The following GRID1 variants were observed in gnomAD, a reference collection of about 807,000 sequenced individuals.
The protein encoded by GRID1 is glutamate ionotropic receptor delta type subunit 1.
Under a neutral mutation model 98.0 loss-of-function variants are expected in GRID1, and 28 were observed. The observed-to-expected ratio is 0.29, with a 90% CI of 0.21 to 0.39. The LOEUF (loss-of-function observed/expected upper bound fraction) is 0.39, where lower values mean the gene tolerates loss of function less well. GRID1 is among the 10% of genes least tolerant of loss of function. The pLI is 1.00. For missense variants in GRID1, 1,111 were observed against 1,340.5 expected, an observed-to-expected ratio of 0.83 and a Z score of 2.67; for synonymous variants, 553 against 538.5, an observed-to-expected ratio of 1.03 and a Z score of -0.37.
chr10:86,056,021 C>T (rs180678345), intron 4 of GRID1, among the ~76,000 whole-genome samples: 4 of 152,322 alleles, frequency 2.6e-5, no homozygotes, highest in African/African-American at 4.8e-5. Flanking sequence ...AAGCAGACAA[C>T]GTCTCACAGC....
intron 8 of GRID1, among the ~76,000 whole-genome samples, chr10:85,845,845 T>C (rs1407736583): frequency 8.5e-5 from 13 of 152,208 alleles, no homozygotes; most frequent in African/African-American, 3.1e-4. Context: ...TAACATAATG[T>C]TGAGCAAAAG....
chr10:86,267,100 G>A (rs1256635534), intron 2 of GRID1, among the ~76,000 whole-genome samples: 1 of 152,226 alleles, frequency 6.6e-6, no homozygotes, highest in Non-Finnish European at 1.5e-5. Flanking sequence ...TTGGCACACA[G>A]CAGACAGCCA....
intron 8 of GRID1, among the ~76,000 whole-genome samples, chr10:85,777,914 G>C (rs988586714): frequency 6.6e-6 from 1 of 152,136 alleles, no homozygotes; most frequent in African/African-American, 2.4e-5. Flanking sequence ...AAACTAGGGG[G>C]ATGATATTGA....
At chr10:85,665,909 C>T (rs1841014841) in intron 12 of GRID1, among the ~76,000 whole-genome samples, 1 of 152,032 alleles carries the variant, frequency 6.6e-6, no homozygotes, top group Admixed American at 6.6e-5. Context: ...AGGCACGTTG[C>T]CAGGCAAGAT....
chr10:86,030,809 T>C (rs1270433992), intron 4 of GRID1, among the ~76,000 whole-genome samples: 2 of 152,224 alleles, frequency 1.3e-5, no homozygotes, highest in East Asian at 3.8e-4. Context: ...GAGCAGCCTG[T>C]AAAGTCAGGC....
chr10:86,051,641 ATG>A (rs1242806909), intron 4 of GRID1, among the ~76,000 whole-genome samples: 3 of 152,246 alleles, frequency 2.0e-5, no homozygotes, highest in Non-Finnish European at 2.9e-5. Context: ...ACATGAACAC[ATG>A]TCTCGCAGAA....
chr10:85,693,693 A>G (rs1421228561), intron 12 of GRID1, among the ~76,000 whole-genome samples: 1 of 152,150 alleles, frequency 6.6e-6, no homozygotes, highest in East Asian at 1.9e-4. Context: ...GAAAGGGGAC[A>G]CTTTTCAATA....
chr10:86,249,467 G>T (rs1019695663), intron 2 of GRID1, among the ~76,000 whole-genome samples: 4 of 152,154 alleles, frequency 2.6e-5, no homozygotes, highest in Non-Finnish European at 5.9e-5. Context: ...AGACCTGATT[G>T]TGCCCCTAGC....
chr10:85,773,089 A>G (rs1842290069), intron 8 of GRID1, among the ~76,000 whole-genome samples: 1 of 152,214 alleles, frequency 6.6e-6, no homozygotes, highest in Non-Finnish European at 1.5e-5. Flanking sequence ...ATACTGGCAA[A>G]CCGAATCCAG....
chr10:85,911,850 G>A lies in GRID1; in HGVS notation c.780+4336C>T, dbSNP rs547171730. Among the ~76,000 whole-genome samples the A allele has an allele frequency of 2.0e-5, 3 of 152,324 alleles. No individual in the cohort carries two copies. The South Asian group carries it at 6.2e-4, about 32-fold the overall frequency. ...TGGCATCTGCTGGAGGATGTGTGGA[G>A]AGGAAACATTTTACCTCAGCTGCTA... is the stretch of plus-strand genomic sequence containing the variant. On this transcript the variant is annotated intron_variant, in intron 5 of 15. Transcript: ENST00000327946.
chr10:86,123,893 T>C (rs1844714122), intron 4 of GRID1, among the ~76,000 whole-genome samples: 1 of 152,210 alleles, frequency 6.6e-6, no homozygotes, highest in African/African-American at 2.4e-5. Context: ...GAACTTGCTC[T>C]GTGAGGCACA....
chr10:86,244,767 T>C (rs551696078), intron 2 of GRID1, among the ~76,000 whole-genome samples: 11 of 152,344 alleles, frequency 7.2e-5, no homozygotes, highest in African/African-American at 2.4e-4. Context: ...CAAGACACCA[T>C]TTCTGAGAGC....
chr10:85,788,366 G>A (rs898866749), intron 8 of GRID1, among the ~76,000 whole-genome samples: 2 of 152,110 alleles, frequency 1.3e-5, no homozygotes, highest in East Asian at 3.9e-4. Flanking sequence ...TTCCTACTTA[G>A]CACTTAATTA....
chr10:85,682,490 T>G (rs901849593), intron 12 of GRID1, among the ~76,000 whole-genome samples: 2 of 152,236 alleles, frequency 1.3e-5, no homozygotes, highest in African/African-American at 4.8e-5. Flanking sequence ...GTGTCATTAC[T>G]CCCACCATAG....
chr10:85,991,725 T>A (rs981786585), intron 4 of GRID1, among the ~76,000 whole-genome samples: 10 of 152,136 alleles, frequency 6.6e-5, no homozygotes, highest in African/African-American at 2.4e-4. Flanking sequence ...AGGAAGATGG[T>A]TAGCCCTGAC....
At chr10:85,743,469 G>C (rs566619465) in intron 8 of GRID1, among the ~76,000 whole-genome samples, 1 of 152,120 alleles carries the variant, frequency 6.6e-6, no homozygotes, top group Admixed American at 6.6e-5. Flanking sequence ...TTGAAAAGAA[G>C]TTGGTCCTGG....
chr10:86,064,383 G>C (rs895780572), intron 4 of GRID1, among the ~76,000 whole-genome samples: 3 of 152,152 alleles, frequency 2.0e-5, no homozygotes, highest in Non-Finnish European at 2.9e-5. Flanking sequence ...TGGGGAGACA[G>C]GGACAAGAGG....
At chr10:85,711,915 T>G (rs1434033868) in intron 12 of GRID1, among the ~76,000 whole-genome samples, 1 of 151,680 alleles carries the variant, frequency 6.6e-6, no homozygotes, top group African/African-American at 2.4e-5. Flanking sequence ...TGAACTAAAG[T>G]TGGTATTAAT....
chr10:86,045,632 G>A (rs1843411969), intron 4 of GRID1, among the ~76,000 whole-genome samples: 2 of 150,620 alleles, frequency 1.3e-5, no homozygotes, highest in Admixed American at 1.3e-4. Flanking sequence ...GAGAGAGAGT[G>A]GGGAGAGAGA....
Sources: allele counts gnomAD v4.1 joint callset (sites outside exome capture counted in the v4.1 genomes callset), GRCh38; gene constraint gnomAD v4.1.1; transcripts MANE v1.5; gene names NCBI Gene and HGNC (gene_info 2026-07-23, HGNC 2026-07-21).